Variants in EYS observed in about 807,000 individuals in gnomAD.
The protein encoded by EYS is protein eyes shut homolog.
A neutral mutation model predicts 282.1 loss-of-function variants in EYS; 250 were observed. That is an observed-to-expected ratio of 0.89 (90% CI 0.80 to 0.98). The LOEUF (loss-of-function observed/expected upper bound fraction) is 0.98, where lower values mean the gene tolerates loss of function less well. EYS is among the 50% of genes least tolerant of loss of function. The pLI, the probability that EYS is intolerant of heterozygous loss-of-function variation, is 0.00. For synonymous variants in EYS, 1,355 were observed against 1,282.9 expected (o/e 1.06, Z -1.20); for missense variants, 4,016 against 3,709.0 (o/e 1.08, Z -2.15).
intron 2 of EYS, among the ~76,000 whole-genome samples, chr6:65,612,932 A>G (rs1279784271): frequency 6.6e-6 from 1 of 151,782 alleles, no homozygotes; most frequent in Non-Finnish European, 1.5e-5. Context: ...AAAAATATGA[A>G]GGCTGTTTAG....
intron 14 of EYS, among the ~76,000 whole-genome samples, chr6:64,958,801 CTG>C (rs1769814516): frequency 7.7e-6 from 1 of 130,188 alleles, no homozygotes; most frequent in African/African-American, 2.8e-5. Context: ...TGTAATCAAA[CTG>C]TGGTGTTTCT....
chr6:65,309,604 C>T (rs1023356348), intron 11 of EYS, among the ~76,000 whole-genome samples: 3 of 152,136 alleles, frequency 2.0e-5, no homozygotes, highest in African/African-American at 7.2e-5. Flanking sequence ...AATCAGCTCA[C>T]CAACCCCAAA....
intron 5 of EYS, among the ~76,000 whole-genome samples, chr6:65,483,131 T>C (rs764091577): frequency 9.2e-5 from 14 of 152,154 alleles, no homozygotes; most frequent in Admixed American, 3.3e-4. Context: ...TGTGGTTTTA[T>C]ATTATATTTT....
chr6:64,950,232 C>T (rs1236495443), intron 14 of EYS, among the ~76,000 whole-genome samples: 1 of 151,896 alleles, frequency 6.6e-6, no homozygotes, highest in South Asian at 2.1e-4. Flanking sequence ...AACCAGTAGA[C>T]ATTTAAAAAT....
chr6:63,862,424 A>ATTT (rs1202941030), intron 36 of EYS, among the ~76,000 whole-genome samples: 14 of 150,854 alleles, frequency 9.3e-5, no homozygotes, highest in African/African-American at 3.4e-4. Flanking sequence ...TCTTTTTTTA[A>ATTT]AAAAAAAAAT....
intron 12 of EYS, among the ~76,000 whole-genome samples, chr6:65,265,214 A>C (rs932213861): frequency 6.6e-6 from 1 of 152,074 alleles, no homozygotes; most frequent in Non-Finnish European, 1.5e-5. Flanking sequence ...CCTAGGTAAC[A>C]AACCTACACA....
chr6:63,861,361 T>C (rs902994136), intron 36 of EYS, among the ~76,000 whole-genome samples: 7 of 152,202 alleles, frequency 4.6e-5, no homozygotes, highest in Non-Finnish European at 1.0e-4. Context: ...CCCACTGCCA[T>C]TGCCCTTGTC....
chr6:65,366,076 G>C (rs1050250428), intron 8 of EYS, among the ~76,000 whole-genome samples: 2 of 151,686 alleles, frequency 1.3e-5, no homozygotes, highest in Admixed American at 1.3e-4. Context: ...TGTTACTCCA[G>C]CCAAGCAACT....
chr6:65,473,882 A>G (rs1327897718), intron 5 of EYS, among the ~76,000 whole-genome samples: 3 of 151,562 alleles, frequency 2.0e-5, no homozygotes, highest in Non-Finnish European at 4.4e-5. Context: ...AATGATTCAG[A>G]AAGTGAGAGA....
intron 12 of EYS, among the ~76,000 whole-genome samples, chr6:65,058,381 C>G (rs1295747461): frequency 6.6e-6 from 1 of 151,996 alleles, no homozygotes; most frequent in African/African-American, 2.4e-5. Flanking sequence ...GAAATCCTGA[C>G]TTCAGGAGAT....
In EYS at chr6:63,752,271, A is replaced by T. The variant is rs575866524; in HGVS notation, c.8071+10190T>A. ...GTAACCATCTAATGAGTGTTAAATA[A>T]TTTCTCCCTTAGATAATTCACTATT... is the stretch of plus-strand genomic sequence containing the variant. On this transcript the variant is annotated intron_variant, in intron 41 of 42. Transcript: ENST00000503581. 8.5e-4 allele frequency among the ~76,000 whole-genome samples: 129 copies of T among 152,186 alleles called. 1 individual carries two copies. The South Asian group carries it at 8.5e-3, about 10-fold the overall frequency.
intron 11 of EYS, chr6:65,331,374 CT>C (rs938328023): frequency 8.2e-5 from 63 of 767,502 alleles, no homozygotes; most frequent in East Asian, 1.3e-4. Context: ...ATTAGAGCAT[CT>C]TTTTTTTAAT....
chr6:64,093,896 A>G (rs982934481), intron 31 of EYS, among the ~76,000 whole-genome samples: 2 of 152,288 alleles, frequency 1.3e-5, no homozygotes, highest in East Asian at 3.9e-4. Context: ...TGGATTTGTC[A>G]TAGATAGCTC....
intron 1 of EYS, among the ~76,000 whole-genome samples, chr6:65,655,460 T>C (rs1767787896): frequency 6.6e-6 from 1 of 151,788 alleles, no homozygotes; most frequent in Admixed American, 6.6e-5. Flanking sequence ...TATATGTTGA[T>C]AGTGTATCCC....
intron 35 of EYS, among the ~76,000 whole-genome samples, chr6:63,908,032 ACGTTTGTG>A (rs1186598562): frequency 1.1e-4 from 5 of 47,424 alleles, no homozygotes; most frequent in East Asian, 6.8e-4. Flanking sequence ...ATATATATAT[ACGTTTGTG>A]TGTGTGTGTG....
chr6:65,221,870 C>T (rs867010745), intron 12 of EYS, among the ~76,000 whole-genome samples: 3 of 152,182 alleles, frequency 2.0e-5, no homozygotes, highest in Middle Eastern at 3.2e-3. Flanking sequence ...CCACCTCTTG[C>T]ATCAGGGTGA....
At chr6:64,022,299 G>T (rs1163701265) in intron 33 of EYS, among the ~76,000 whole-genome samples, 1 of 152,040 alleles carries the variant, frequency 6.6e-6, no homozygotes, top group Non-Finnish European at 1.5e-5. Context: ...ATAAGAGGTG[G>T]ACACACAATA....
chr6:64,695,321 C>A (rs1239227181), intron 22 of EYS, among the ~76,000 whole-genome samples: 1 of 152,136 alleles, frequency 6.6e-6, no homozygotes, highest in Non-Finnish European at 1.5e-5. Flanking sequence ...ACTTGCACAG[C>A]TCATTACAAC....
chr6:64,416,172 G>C (rs887506383), intron 28 of EYS, among the ~76,000 whole-genome samples: 1 of 152,124 alleles, frequency 6.6e-6, no homozygotes, highest in African/African-American at 2.4e-5. Flanking sequence ...GCACTCCAGG[G>C]ACAGAAGAAA....
Sources: gnomAD v4.1 joint callset for allele counts (sites outside exome capture counted in the v4.1 genomes callset) on GRCh38, gnomAD v4.1.1 for gene constraint, MANE v1.5 for transcripts, NCBI Gene and HGNC (gene_info 2026-07-23, HGNC 2026-07-21) for gene names.